CADM2: variants seen among roughly 807,000 people sequenced by gnomAD.
The protein encoded by CADM2 is immunoglobulin superfamily member 4D.
In CADM2, 12 loss-of-function variants were observed where a neutral mutation model predicts 49.8. The observed-to-expected ratio is 0.24, with a 90% CI of 0.15 to 0.39. CADM2 has a LOEUF of 0.39. Ranked by LOEUF, CADM2 falls within the 10% of genes least tolerant of loss-of-function variation. The pLI, the probability that CADM2 is intolerant of heterozygous loss-of-function variation, is 1.00. For synonymous variants in CADM2, 214 were observed against 175.4 expected (o/e 1.22, Z -1.74); for missense variants, 378 against 492.3 (o/e 0.77, Z 2.20).
intron 1 of CADM2, among the ~76,000 whole-genome samples, chr3:85,467,016 A>T (rs2038525992): frequency 6.6e-6 from 1 of 152,204 alleles, no homozygotes; most frequent in African/African-American, 2.4e-5. Flanking sequence ...TTATGTGGAA[A>T]ACAGTGTCAC....
chr3:85,328,355 CTAATT>C (rs2107138254), intron 1 of CADM2, among the ~76,000 whole-genome samples: 1 of 152,274 alleles, frequency 6.6e-6, no homozygotes, highest in African/African-American at 2.4e-5. Context: ...CACTATAACT[CTAATT>C]TCATTTAAAT....
chr3:85,790,675 G>A (rs1274243711), intron 2 of CADM2, among the ~76,000 whole-genome samples: 6 of 152,250 alleles, frequency 3.9e-5, no homozygotes, highest in South Asian at 4.1e-4. Flanking sequence ...GCTAGGATTC[G>A]GTCTACGGGA....
At chr3:85,952,264 A>G (rs927376010) in intron 7 of CADM2, among the ~76,000 whole-genome samples, 20 of 150,910 alleles carry the variant, frequency 1.3e-4, no homozygotes, top group Admixed American at 6.0e-4. Context: ...TCTTGCTCCA[A>G]TGACACTATT....
chr3:85,358,309 C>A (rs2032042161), intron 1 of CADM2, among the ~76,000 whole-genome samples: 1 of 151,864 alleles, frequency 6.6e-6, no homozygotes, highest in Admixed American at 6.6e-5. Flanking sequence ...GCATTGCTTT[C>A]TAGAATTATA....
At chr3:85,382,132 T>A (rs2033942539) in intron 1 of CADM2, among the ~76,000 whole-genome samples, 1 of 151,982 alleles carries the variant, frequency 6.6e-6, no homozygotes, top group Non-Finnish European at 1.5e-5. Flanking sequence ...GCAGTGGTAA[T>A]TCTTTATTTA....
intron 3 of CADM2, among the ~76,000 whole-genome samples, chr3:85,821,744 A>T (rs2073584475): frequency 6.6e-6 from 1 of 152,166 alleles, no homozygotes; most frequent in African/African-American, 2.4e-5. Flanking sequence ...ATCATTTTTG[A>T]GGGCCATTTT....
chr3:85,701,515 C>A (rs2066753527), intron 1 of CADM2, among the ~76,000 whole-genome samples: 1 of 151,986 alleles, frequency 6.6e-6, no homozygotes, highest in South Asian at 2.1e-4. Flanking sequence ...TCATTCTTAC[C>A]TTTGTCCTGT....
intron 2 of CADM2, among the ~76,000 whole-genome samples, chr3:85,776,536 T>C (rs909676297): frequency 1.3e-5 from 2 of 152,052 alleles, no homozygotes; most frequent in African/African-American, 4.8e-5. Flanking sequence ...TAGAACATCA[T>C]TTAATGTAAG....
intron 1 of CADM2, among the ~76,000 whole-genome samples, chr3:84,971,988 T>G (rs1245412375): frequency 6.6e-6 from 1 of 152,098 alleles, no homozygotes; most frequent in Non-Finnish European, 1.5e-5. Context: ...TCTTTTATTT[T>G]GTAGTGAGGG....
At chr3:85,691,995 G>A (rs1393181502) in intron 1 of CADM2, among the ~76,000 whole-genome samples, 1 of 152,122 alleles carries the variant, frequency 6.6e-6, no homozygotes, top group Admixed American at 6.5e-5. Flanking sequence ...GAAGGGGGGA[G>A]GGATAGCATT....
At chr3:85,644,501 A>G (rs2064826707) in intron 1 of CADM2, among the ~76,000 whole-genome samples, 2 of 152,142 alleles carry the variant, frequency 1.3e-5, no homozygotes, top group African/African-American at 4.8e-5. Context: ...ACCAAATGAT[A>G]AAAGAGAAGA....
chr3:85,108,580 G>T (rs1032317658), intron 1 of CADM2, among the ~76,000 whole-genome samples: 1 of 152,100 alleles, frequency 6.6e-6, no homozygotes, highest in East Asian at 1.9e-4. Flanking sequence ...GAGTTCTGGA[G>T]ATGGCTGCTA....
At chr3:85,435,919 T>G (rs930459487) in intron 1 of CADM2, among the ~76,000 whole-genome samples, 2 of 152,094 alleles carry the variant, frequency 1.3e-5, no homozygotes, top group Non-Finnish European at 2.9e-5. Flanking sequence ...ATTCTGGATA[T>G]TAGCCCTTTG....
At chr3:85,014,168 C>T (rs574249838) in intron 1 of CADM2, among the ~76,000 whole-genome samples, 28 of 137,710 alleles carry the variant, frequency 2.0e-4, no homozygotes, top group East Asian at 1.7e-3. Flanking sequence ...ATTATATATA[C>T]GCAGTGTAAT....
chr3:85,088,054 G>A (rs562343213), intron 1 of CADM2, among the ~76,000 whole-genome samples: 269 of 152,260 alleles, frequency 1.8e-3, no homozygotes, highest in Non-Finnish European at 3.2e-3. Context: ...TAAAACAAAA[G>A]CCTGAGGACT....
Position 86,012,946 on chromosome 3 carries a change from G to A in CADM2, c.970+51299G>A, listed in dbSNP as rs1461993810. 5.9e-6 allele frequency: 4 copies of A among 681,600 alleles called. No homozygotes were observed. In the East Asian group the frequency reaches 1.2e-4, roughly 20 times the overall value. The allele number at this position is 681,600 out of a possible 1,614,324, so 42.2% of individuals were successfully genotyped here. On this transcript the variant is annotated intron_variant, in intron 8 of 9. Transcript: ENST00000383699. The stretch of plus-strand genomic sequence containing the variant: ...GCCGAGATCGCGCCACTGCACTCCA[G>A]CCTGGGCGACAGCGAGACTCCATCT...
chr3:85,369,158 T>C (rs1340969753), intron 1 of CADM2, among the ~76,000 whole-genome samples: 2 of 152,222 alleles, frequency 1.3e-5, no homozygotes, highest in South Asian at 2.1e-4. Flanking sequence ...CAGTAACTTA[T>C]TGCAGTGAAA....
chr3:85,993,468 G>A (rs1577889599), intron 8 of CADM2: 1 of 152,266 alleles, frequency 6.6e-6, no homozygotes, highest in Middle Eastern at 3.4e-3. Context: ...ACTCCTGCCA[G>A]TGTTGATATT....
intron 1 of CADM2, among the ~76,000 whole-genome samples, chr3:85,683,120 A>G (rs1373314558): frequency 1.3e-5 from 2 of 152,082 alleles, no homozygotes; most frequent in Non-Finnish European, 2.9e-5. Flanking sequence ...TTTTACTGTG[A>G]GTGCCACCTA....
Sources: gnomAD v4.1 joint callset for allele counts (sites outside exome capture counted in the v4.1 genomes callset) on GRCh38, gnomAD v4.1.1 for gene constraint, MANE v1.5 for transcripts, NCBI Gene and HGNC (gene_info 2026-07-23, HGNC 2026-07-21) for gene names.